SLC27A6: variants seen among roughly 807,000 people sequenced by gnomAD.
The protein encoded by SLC27A6 is solute carrier family 27 member 6, also known as long-chain fatty acid transport protein 6.
Under a neutral mutation model 63.9 loss-of-function variants are expected in SLC27A6, and 74 were observed. The ratio of observed to expected loss-of-function variants is 1.16; its 90% CI spans 0.96 to 1.40. The LOEUF is 1.40. Among genes scored for constraint, SLC27A6 ranks in the 40% most tolerant of loss-of-function variants. The pLI is 0.00. For missense variants in SLC27A6, 794 were observed against 732.9 expected, an observed-to-expected ratio of 1.08 and a Z score of -0.96; for synonymous variants, 287 against 260.8, an observed-to-expected ratio of 1.10 and a Z score of -0.97.
intron 4 of SLC27A6, among the ~76,000 whole-genome samples, chr5:129,002,643 G>T (rs1243037060): frequency 6.6e-6 from 1 of 151,956 alleles, no homozygotes; most frequent in African/African-American, 2.4e-5. Flanking sequence ...CCATGCTCTA[G>T]GTAATGAGGT....
At chr5:129,032,173 C>T (rs1294356241) in intron 9 of SLC27A6, among the ~76,000 whole-genome samples, 2 of 151,980 alleles carry the variant, frequency 1.3e-5, no homozygotes, top group Non-Finnish European at 2.9e-5. Context: ...TGGGTCAAAA[C>T]AAATACCTAA....
intron 1 of SLC27A6, among the ~76,000 whole-genome samples, 157 bp from the exon 2 acceptor site, chr5:128,984,976 G>T (rs1750736844): frequency 6.6e-6 from 1 of 152,148 alleles, no homozygotes; most frequent in Non-Finnish European, 1.5e-5. Flanking sequence ...TGTTGAAACG[G>T]AACCATAAAA....
chr5:128,975,963 T>G (rs964751765), intron 1 of SLC27A6, among the ~76,000 whole-genome samples: 1 of 152,144 alleles, frequency 6.6e-6, no homozygotes, highest in Non-Finnish European at 1.5e-5. Flanking sequence ...ATGAAGCCAT[T>G]TAAACTTCCT....
At chr5:128,990,972 A>G (rs1750961543) in intron 4 of SLC27A6, among the ~76,000 whole-genome samples, 1 of 152,184 alleles carries the variant, frequency 6.6e-6, no homozygotes, top group East Asian at 1.9e-4. Flanking sequence ...ACGGTGAGCA[A>G]AAGCTCAGCT....
chr5:129,028,654 G>C (rs546248804), intron 8 of SLC27A6, among the ~76,000 whole-genome samples: 1 of 141,630 alleles, frequency 7.1e-6, no homozygotes, highest in Non-Finnish European at 1.6e-5. Context: ...TAATGCCTGC[G>C]TGTATTTTTT....
chr5:129,030,637 GA>G (rs1220193010), intron 9 of SLC27A6, among the ~76,000 whole-genome samples: 5 of 151,882 alleles, frequency 3.3e-5, no homozygotes, highest in Non-Finnish European at 7.4e-5. Flanking sequence ...TATGAAAAAA[GA>G]AGTAATATAT....
At chr5:129,002,325 T>G (rs1163904383) in intron 4 of SLC27A6, among the ~76,000 whole-genome samples, 2 of 152,234 alleles carry the variant, frequency 1.3e-5, no homozygotes, top group Non-Finnish European at 2.9e-5. Flanking sequence ...ACAAAACCAC[T>G]GAATTAGAAA....
chr5:129,016,021 C>G lies in SLC27A6; in HGVS notation c.1106C>G (p.Ser369Cys), dbSNP rs1196883140. ...TATGCAGCTACCGAATCAAGCATATCTTTCATGAACTACACTGGGAGAATT... is the reference window on the plus strand; with the variant it reads ...TATGCAGCTACCGAATCAAGCATATGTTTCATGAACTACACTGGGAGAATT... ...ELYAATESSI[S>C]FMNYTGRIGA... Residue 369 changes from serine (S) to cysteine (C), a missense_variant, in exon 5 of 10, where the codon TCT (serine) becomes TGT (cysteine). Coordinates refer to ENST00000262462, the MANE Select transcript of SLC27A6 (RefSeq NM_001017372.3). 2 of 1,605,686 alleles carry G rather than the reference C, an allele frequency of 1.2e-6. No individual in the cohort carries two copies. Among genetic ancestry groups the G allele is most frequent in the African/African-American group, 1.3e-5 (1 of 74,178 alleles).
chr5:128,982,483 C>T (rs1030486270), intron 1 of SLC27A6, among the ~76,000 whole-genome samples: 3 of 152,090 alleles, frequency 2.0e-5, no homozygotes, highest in African/African-American at 7.2e-5. Flanking sequence ...ACTTTCTTGG[C>T]ACTTATTTCC....
chr5:128,997,255 G>C (rs149388423), intron 4 of SLC27A6, among the ~76,000 whole-genome samples: 5 of 152,176 alleles, frequency 3.3e-5, no homozygotes, highest in African/African-American at 1.2e-4. Context: ...GATTTTGCCT[G>C]TAAGATCTAG....
intron 5 of SLC27A6, among the ~76,000 whole-genome samples, chr5:129,019,774 C>A (rs891724348): frequency 2.6e-5 from 4 of 151,410 alleles, no homozygotes; most frequent in African/African-American, 9.7e-5. Context: ...TTAAGGAGTC[C>A]CACAAACACA....
At position 128,988,733 on chromosome 5, in the gene SLC27A6, G is replaced by T. The variant is rs1482987453; in HGVS notation, c.819G>T (p.Leu273=). The part of the protein sequence containing the change: ...LPLYHSSAAI[L]GISGCVELGA... ...TGTATCATAGTTCAGCAGCTATCCT[G>T]GGAATTTCTGGATGTGTTGAGTTGG... Residue 273 remains leucine (L), a synonymous_variant, in exon 3 of 10, where the codon CTG becomes CTT. Transcript: ENST00000262462. 3 of 1,611,974 alleles carry T rather than the reference G, an allele frequency of 1.9e-6. No homozygotes were observed. Among genetic ancestry groups the T allele is most frequent in the Non-Finnish European group, 2.5e-6 (3 of 1,179,152 alleles).
At chr5:129,018,442 T>C (rs1751976945) in intron 5 of SLC27A6, among the ~76,000 whole-genome samples, 1 of 152,096 alleles carries the variant, frequency 6.6e-6, no homozygotes, top group Non-Finnish European at 1.5e-5. Context: ...ATCACAGTAA[T>C]GCTCTAAACC....
At chr5:128,970,504 G>A (rs1366902185) in intron 1 of SLC27A6, among the ~76,000 whole-genome samples, 2 of 152,088 alleles carry the variant, frequency 1.3e-5, no homozygotes, top group Admixed American at 6.5e-5. Flanking sequence ...TATGTGTCCA[G>A]GAATTTATCC....
At chr5:128,971,655 T>G (rs1370553852) in intron 1 of SLC27A6, among the ~76,000 whole-genome samples, 1 of 152,142 alleles carries the variant, frequency 6.6e-6, no homozygotes, top group Non-Finnish European at 1.5e-5. Flanking sequence ...CTATAGTGTG[T>G]CTCTGCACGT....
In SLC27A6 at chr5:129,027,324, A is replaced by C. The variant is rs749635811; in HGVS notation, c.1447A>C (p.Thr483Pro). The C allele has an allele frequency of 2.5e-6, 4 of 1,608,476 alleles. No homozygotes were observed. Among genetic ancestry groups the C allele is most frequent in the East Asian group, 2.2e-5 (1 of 44,818 alleles). ...FLYFWDRTGDTFRWKGENVAT... is the reference protein window; with the variant it reads ...FLYFWDRTGDPFRWKGENVAT... ...TTATTTTTGGGACCGTACTGGAGAC[A>C]CTTTCAGGTATGAAATGTTATGGGA... Residue 483 changes from threonine to proline, a missense_variant, in exon 7 of 10, where the codon ACT (threonine) becomes CCT (proline). By Grantham distance (38) the Thr-to-Pro change is conservative. Transcript: ENST00000262462.
intron 1 of SLC27A6, among the ~76,000 whole-genome samples, chr5:128,970,916 C>T (rs1369209980): frequency 1.3e-5 from 2 of 152,258 alleles, no homozygotes; most frequent in East Asian, 3.9e-4. Flanking sequence ...TTTCCCTCTA[C>T]ACACTGCTTT....
chr5:129,009,762 C>A (rs979335807), intron 4 of SLC27A6, among the ~76,000 whole-genome samples: 2 of 152,022 alleles, frequency 1.3e-5, no homozygotes, highest in African/African-American at 2.4e-5. Flanking sequence ...GCAACCTCCA[C>A]CCCCTGGGTT....
At position 128,986,587 on chromosome 5, in the gene SLC27A6, G is replaced by A. The variant is rs1407799246; in HGVS notation, c.685+1251G>A. Among the ~76,000 whole-genome samples, 8 of 151,962 alleles carry A rather than the reference G, an allele frequency of 5.3e-5. 1 individual carries two copies. Among genetic ancestry groups the A allele is most frequent in the Admixed American group, 5.2e-4 (8 of 15,258 alleles). ...TGGAGAATATAATTTTTTTTTACAT[G>A]ATTAGAACAGTTTTGATAAATGAAC... On this transcript the variant is annotated intron_variant, in intron 2 of 9. Coordinates refer to ENST00000262462, the MANE Select transcript of SLC27A6 (RefSeq NM_001017372.3).
Sources: gnomAD v4.1 joint callset for allele counts (sites outside exome capture counted in the v4.1 genomes callset) on GRCh38, gnomAD v4.1.1 for gene constraint, MANE v1.5 for transcripts, NCBI Gene and HGNC (gene_info 2026-07-23, HGNC 2026-07-21) for gene names.